The following CELF2 variants were observed in gnomAD, a reference collection of about 807,000 sequenced individuals.
CELF2 encodes the protein CUG triplet repeat RNA-binding protein 2.
In CELF2, 8 loss-of-function variants were observed where a neutral mutation model predicts 62.6. That is an observed-to-expected ratio of 0.13 (90% CI 0.07 to 0.23). The LOEUF (loss-of-function observed/expected upper bound fraction) is 0.23, where lower values mean the gene tolerates loss of function less well. CELF2 is among the 10% of genes least tolerant of loss of function. CELF2 has a pLI of 1.00. For synonymous variants in CELF2, 258 were observed against 250.0 expected (o/e 1.03, Z -0.30); for missense variants, 333 against 671.0 (o/e 0.50, Z 5.56).
chr10:10,625,051 A>C, the CELF2 span, among the ~76,000 whole-genome samples: 2 of 152,254 alleles, frequency 1.3e-5, no homozygotes, highest in Non-Finnish European at 2.9e-5. Flanking sequence ...GCAAAATAAA[A>C]TGAAAAACTC....
At chr10:10,922,082 GA>G (rs1224390982) in intron 2 of CELF2, among the ~76,000 whole-genome samples, 1 of 150,844 alleles carries the variant, frequency 6.6e-6, no homozygotes. Flanking sequence ...TTTATGTAAA[GA>G]AAATCTTTGC....
At chr10:11,132,244 A>T (rs1181162099) in intron 1 of CELF2, among the ~76,000 whole-genome samples, 1 of 152,210 alleles carries the variant, frequency 6.6e-6, no homozygotes, top group African/African-American at 2.4e-5. Flanking sequence ...ACTTCTTGTA[A>T]AATATTTACT....
the CELF2 span, among the ~76,000 whole-genome samples, chr10:10,568,836 A>C: frequency 6.6e-6 from 1 of 152,166 alleles, no homozygotes; most frequent in East Asian, 1.9e-4. Flanking sequence ...TTACTAGGGA[A>C]GTATGGTGGA....
chr10:10,909,072 G>T (rs1343215971), intron 1 of CELF2, among the ~76,000 whole-genome samples: 1 of 152,226 alleles, frequency 6.6e-6, no homozygotes, highest in East Asian at 1.9e-4. Context: ...TTACAGGCGT[G>T]AGCCACCATG....
chr10:10,889,904 C>CGACT (rs978697431), intron 1 of CELF2, among the ~76,000 whole-genome samples: 8 of 152,172 alleles, frequency 5.3e-5, no homozygotes, highest in African/African-American at 1.9e-4. Flanking sequence ...GAAGAGTGTA[C>CGACT]AGTCTTTCCT....
intron 2 of CELF2, among the ~76,000 whole-genome samples, chr10:10,930,954 G>C (rs1319870919): frequency 6.6e-6 from 1 of 152,156 alleles, no homozygotes; most frequent in African/African-American, 2.4e-5. Context: ...ACAGGTTGGA[G>C]AGTTTCTGTG....
the CELF2 span, among the ~76,000 whole-genome samples, chr10:10,703,883 C>T: frequency 1.3e-5 from 2 of 152,168 alleles, no homozygotes; most frequent in African/African-American, 4.8e-5. Context: ...CTAATCAATA[C>T]AGCAGTGTAG....
Position 11,217,599 on chromosome 10 carries a change from A to T in CELF2, c.354+92A>T. On this transcript the variant is annotated intron_variant, in intron 3 of 12. Coordinates refer to ENST00000633077, the MANE Select transcript of CELF2 (RefSeq NM_001326342.2). This position sits in a 1 kb window ranked among gnomAD's most constrained non-coding sequence, Gnocchi z 5.6. ...TCTAGTTATGGGCTCTTAGTGCCAA[A>T]AATGACTTTGGTCTTTTGAGGAGTG... is the stretch of plus-strand genomic sequence containing the variant. The T allele has an allele frequency of 1.0e-6, 1 of 953,634 alleles. No homozygotes were observed. The highest frequency in any genetic ancestry group is 1.6e-6 in the Non-Finnish European group (1 of 617,878). 59.1% of individuals were successfully genotyped at this position (953,634 alleles called of 1,614,324 possible). A position where few individuals can be genotyped will look rare whatever the true frequency, so the allele number is the denominator to read the frequency against.
chr10:10,895,020 G>A (rs912124618), intron 1 of CELF2, among the ~76,000 whole-genome samples: 5 of 152,146 alleles, frequency 3.3e-5, no homozygotes, highest in African/African-American at 9.7e-5. Context: ...GCCTGGCACT[G>A]TACTGAGTGA....
At chr10:10,651,115 C>T in the CELF2 span, among the ~76,000 whole-genome samples, 4 of 142,610 alleles carry the variant, frequency 2.8e-5, no homozygotes, top group Non-Finnish European at 6.2e-5. Context: ...GTGACGGATG[C>T]ACCTGGAAAA....
intron 4 of CELF2, among the ~76,000 whole-genome samples, chr10:11,254,596 C>T (rs926970140): frequency 6.6e-6 from 1 of 152,156 alleles, no homozygotes; most frequent in African/African-American, 2.4e-5. Flanking sequence ...CCAGGAGCTG[C>T]ATGGTTAATT....
At chr10:10,822,098 G>A (rs531753030) in intron 1 of CELF2, among the ~76,000 whole-genome samples, 1 of 152,144 alleles carries the variant, frequency 6.6e-6, no homozygotes, top group African/African-American at 2.4e-5. Flanking sequence ...TGATGTGGCC[G>A]CCTGGCAGGT....
At chr10:10,884,768 G>C (rs1191522703) in intron 1 of CELF2, among the ~76,000 whole-genome samples, 1 of 152,198 alleles carries the variant, frequency 6.6e-6, no homozygotes, top group East Asian at 1.9e-4. Context: ...GGCCCAGCTA[G>C]TTTAGAAGCC....
rs569158008 is a variant in CELF2 at position 11,029,293 on chromosome 10, T to C, written c.74+11130T>C. ...TTTTGGTGGTTAATAAAAAAGGCAC[T>C]TCTTTATTCTGATGTAGCTGATAGG... On this transcript the variant is annotated intron_variant, in intron 1 of 12. Coordinates refer to ENST00000633077, the MANE Select transcript of CELF2 (RefSeq NM_001326342.2). 5.3e-5 allele frequency among the ~76,000 whole-genome samples: 8 copies of C among 152,316 alleles called. 1 individual carries two copies. In the South Asian group the frequency reaches 1.7e-3, roughly 32 times the overall value.
At chr10:11,219,596 GCTACATTT>G (rs1218936047) in intron 3 of CELF2, among the ~76,000 whole-genome samples, 1 of 152,182 alleles carries the variant, frequency 6.6e-6, no homozygotes, top group Non-Finnish European at 1.5e-5. Context: ...GCACACACTT[GCTACATTT>G]GCTATTCCAA....
chr10:10,904,536 T>C lies in CELF2; in HGVS notation c.54-15428T>C, dbSNP rs143884991. On this transcript the variant is annotated intron_variant, in intron 1 of 13. Transcript: ENST00000636488. Reference sequence around the variant, plus strand: ...ATAAGCCACTGTGTCCAACCCTCTCTATATTAAAATATAGAAGTCTACCTC... The same window carrying C: ...ATAAGCCACTGTGTCCAACCCTCTCCATATTAAAATATAGAAGTCTACCTC... Among the ~76,000 whole-genome samples the C allele has an allele frequency of 9.1e-3, 1,381 of 152,334 alleles. 17 individuals are homozygous for C. Among genetic ancestry groups the C allele is most frequent in the African/African-American group, 0.031 (1,286 of 41,568 alleles).
Position 11,296,187 on chromosome 10 carries a change from T to C in CELF2, c.976+7635T>C, listed in dbSNP as rs2093161256. Reference sequence around the variant, plus strand: ...CTCACCAAGCGCATTGTTCCTTGTTTTGAGTGGGCTTTTTAACATGTGCAG... The same window carrying C: ...CTCACCAAGCGCATTGTTCCTTGTTCTGAGTGGGCTTTTTAACATGTGCAG... On this transcript the variant is annotated intron_variant, in intron 9 of 12. Coordinates refer to ENST00000633077, the MANE Select transcript of CELF2 (RefSeq NM_001326342.2). The surrounding 1 kb of genome is among the most constrained non-coding windows in gnomAD (Gnocchi z 5.0). Among the ~76,000 whole-genome samples the C allele has an allele frequency of 6.6e-6, 1 of 152,192 alleles. No individual in the cohort carries two copies. Among genetic ancestry groups the C allele is most frequent in the Non-Finnish European group, 1.5e-5 (1 of 68,032 alleles).
chr10:10,697,502 C>T, the CELF2 span, among the ~76,000 whole-genome samples: 5 of 152,236 alleles, frequency 3.3e-5, no homozygotes, highest in East Asian at 5.8e-4. Context: ...TAACAAAATA[C>T]GCTAGACTCG....
chr10:10,863,059 C>A (rs2060137890), intron 1 of CELF2, among the ~76,000 whole-genome samples: 1 of 152,120 alleles, frequency 6.6e-6, no homozygotes, highest in Non-Finnish European at 1.5e-5. Flanking sequence ...AAAAATGATT[C>A]CACCAGTTGT....
Sources: allele counts gnomAD v4.1 joint callset (sites outside exome capture counted in the v4.1 genomes callset), GRCh38; gene constraint gnomAD v4.1.1; non-coding constraint Gnocchi (gnomAD v3.1); transcripts MANE v1.5; gene names NCBI Gene and HGNC (gene_info 2026-07-23, HGNC 2026-07-21).